The following CXCR2 variants were observed in gnomAD, a reference collection of about 807,000 sequenced individuals.
CXCR2 encodes the protein C-X-C chemokine receptor type 2.
Under a neutral mutation model 3.7 loss-of-function variants are expected in CXCR2, and 2 were observed. The observed-to-expected ratio is 0.55, with a 90% CI of 0.22 to 1.72. CXCR2 has a LOEUF of 1.72. Among genes scored for constraint, CXCR2 ranks in the 40% most tolerant of loss-of-function variants. The pLI, the probability that CXCR2 is intolerant of heterozygous loss-of-function variation, is 0.19. For synonymous variants in CXCR2, 203 were observed against 193.3 expected (o/e 1.05, Z -0.41); for missense variants, 351 against 450.1 (o/e 0.78, Z 1.99).
chr2:218,134,200 G>T (rs1690723646), intron 2 of CXCR2, among the ~76,000 whole-genome samples: 1 of 152,178 alleles, frequency 6.6e-6, no homozygotes, highest in Non-Finnish European at 1.5e-5. Context: ...TTTTCTGAGG[G>T]TATAGCCCAT....
intron 2 of CXCR2, 87 bp from the exon 3 acceptor site, chr2:218,134,690 C>T (rs1690735941): frequency 1.6e-6 from 2 of 1,271,886 alleles, no homozygotes; most frequent in Non-Finnish European, 2.2e-6. Context: ...CTCAAGCCAA[C>T]ACAAAGAATC....
rs1298692527 is a variant in CXCR2, at chr2:218,129,311, T to G, written c.-77-3T>G. On this transcript the variant is annotated splice_polypyrimidine_tract_variant and splice_region_variant and intron_variant, in intron 1 of 2. Coordinates refer to ENST00000318507, the MANE Select transcript of CXCR2 (RefSeq NM_001557.4). Reference sequence around the variant, plus strand: ...TGTTCTCACCACCACCTCCCTTTCATAGGTCACAGCTGCTCTTCTGGAGGT... The same window carrying G: ...TGTTCTCACCACCACCTCCCTTTCAGAGGTCACAGCTGCTCTTCTGGAGGT... 2 of 152,410 alleles carry G rather than the reference T, an allele frequency of 1.3e-5. No individual in the cohort carries two copies. Among genetic ancestry groups the G allele is most frequent in the Non-Finnish European group, 2.9e-5 (2 of 68,084 alleles). 9.4% of individuals were successfully genotyped at this position (152,410 alleles called of 1,614,324 possible).
In CXCR2 at chr2:218,135,761, G is replaced by T. The variant is rs1690781803; in HGVS notation, c.960G>T (p.Lys320Asn). The T allele has an allele frequency of 6.2e-7, 1 of 1,613,912 alleles. No homozygotes were observed. Among genetic ancestry groups the T allele is most frequent in the African/African-American group, 1.3e-5 (1 of 74,866 alleles). ...TCATCTACGCCTTCATTGGCCAGAA[G>T]TTTCGCCATGGACTCCTCAAGATTC... ...NPLIYAFIGQ[K>N]FRHGLLKILA... The change falls in exon 3 of 3, where the codon AAG (lysine) becomes AAT (asparagine). Residue 320 changes from lysine (K) to asparagine (N), a missense_variant. Transcript: ENST00000318507. The surrounding 1 kb of genome is among the most constrained non-coding windows in gnomAD (Gnocchi z 4.0).
chr2:218,130,149 G>T (rs1005196408), intron 2 of CXCR2, among the ~76,000 whole-genome samples: 2 of 152,160 alleles, frequency 1.3e-5, no homozygotes, highest in Admixed American at 1.3e-4. Flanking sequence ...TGCTGGGCAC[G>T]GTGGCTTACA....
intron 2 of CXCR2, among the ~76,000 whole-genome samples, chr2:218,133,695 A>C (rs1690707874): frequency 6.6e-6 from 1 of 152,206 alleles, no homozygotes; most frequent in Admixed American, 6.5e-5. Flanking sequence ...CAGGAGCTAG[A>C]CTAAATCTGA....
Position 218,129,154 on chromosome 2 carries a change from A to T in CXCR2, c.-77-160A>T, listed in dbSNP as rs564704734. The T allele has an allele frequency of 3.3e-5, 5 of 152,430 alleles. No individual in the cohort carries two copies. The East Asian group carries it at 5.7e-4, about 17-fold the overall frequency. The allele number at this position is 152,430 out of a possible 1,614,324, so 9.4% of individuals were successfully genotyped here. A position where few individuals can be genotyped will look rare whatever the true frequency, so the allele number is the denominator to read the frequency against. ...TTCCCAATATAAACTCTACGAGTCT[A>T]TGAAATGACTATGCATCCGAGAGCT... is the stretch of plus-strand genomic sequence containing the variant. On this transcript the variant is annotated intron_variant, in intron 1 of 2. Coordinates refer to ENST00000318507, the MANE Select transcript of CXCR2 (RefSeq NM_001557.4).
intron 2 of CXCR2, among the ~76,000 whole-genome samples, chr2:218,132,581 G>C (rs1176165452): frequency 1.3e-5 from 2 of 152,232 alleles, no homozygotes; most frequent in African/African-American, 4.8e-5. Context: ...CTATATGGTA[G>C]AGTACTGCTC....
rs2230054 is a variant in CXCR2, at chr2:218,135,587, C to T, written c.786C>T (p.Leu262=). ...TTGCTGTCGTCCTCATCTTCCTGCT[C>T]TGCTGGCTGCCCTACAACCTGGTCC... is the stretch of plus-strand genomic sequence containing the variant. ...VIFAVVLIFL[L]CWLPYNLVLL... The change falls in exon 3 of 3, where the codon CTC becomes CTT. Residue 262 remains leucine, a synonymous_variant. Coordinates refer to ENST00000318507, the MANE Select transcript of CXCR2 (RefSeq NM_001557.4). This position sits in a 1 kb window ranked among gnomAD's most constrained non-coding sequence, Gnocchi z 4.0. The T allele has an allele frequency of 0.49, 789,014 of 1,613,788 alleles. 196,054 individuals are homozygous for T. Among genetic ancestry groups the T allele is most frequent in the African/African-American group, 0.67 (50,150 of 74,910 alleles).
intron 1 of CXCR2, among the ~76,000 whole-genome samples, chr2:218,126,561 T>C (rs1388877226): frequency 2.6e-5 from 4 of 152,254 alleles, no homozygotes; most frequent in Admixed American, 2.6e-4. Flanking sequence ...CTGCCCAGTA[T>C]GGTAGCCACT....
chr2:218,136,605 A>G lies in CXCR2; in HGVS notation c.*721A>G, dbSNP rs567561497. 6.0e-6 allele frequency: 1 copy of G among 167,190 alleles called. No homozygotes were observed. The highest frequency in any genetic ancestry group is 2.1e-4 in the South Asian group (1 of 4,830). 10.4% of individuals were successfully genotyped at this position (167,190 alleles called of 1,614,324 possible). On this transcript the variant is annotated 3_prime_UTR_variant, in exon 3 of 3. Coordinates refer to ENST00000318507, the MANE Select transcript of CXCR2 (RefSeq NM_001557.4). Reference sequence around the variant, plus strand: ...TAGGAATTGACCCACAAGAAATGAAAGCAGGGACTTGAACCCATATTTGTA... The same window carrying G: ...TAGGAATTGACCCACAAGAAATGAAGGCAGGGACTTGAACCCATATTTGTA...
At position 218,135,276 on chromosome 2, in the gene CXCR2, C is replaced by T. The variant is rs200940650; in HGVS notation, c.475C>T (p.Arg159Cys). 16 of 1,614,086 alleles carry T rather than the reference C, an allele frequency of 9.9e-6. No individual in the cohort carries two copies. The highest frequency in any genetic ancestry group is 2.7e-5 in the African/African-American group (2 of 74,926). ...VHATRTLTQK[R>C]YLVKFICLSI... ...TGCCACACGCACACTGACCCAGAAG[C>T]GCTACTTGGTCAAATTCATATGTCT... The change falls in exon 3 of 3, where the codon CGC becomes TGC. Residue 159 changes from arginine to cysteine, a missense_variant. Coordinates refer to ENST00000318507, the MANE Select transcript of CXCR2 (RefSeq NM_001557.4). The surrounding 1 kb of genome is among the most constrained non-coding windows in gnomAD (Gnocchi z 4.0).
At chr2:218,130,120 T>C (rs1002837652) in intron 2 of CXCR2, among the ~76,000 whole-genome samples, 2 of 152,178 alleles carry the variant, frequency 1.3e-5, no homozygotes, top group African/African-American at 4.8e-5. Context: ...GATTTAATGA[T>C]ATCTCAAGAA....
intron 2 of CXCR2, among the ~76,000 whole-genome samples, chr2:218,131,292 T>A (rs1690639764): frequency 6.6e-6 from 1 of 152,104 alleles, no homozygotes; most frequent in African/African-American, 2.4e-5. Flanking sequence ...CTCAGCAAAC[T>A]TGCTCTCAAC....
chr2:218,136,940 G>C lies in CXCR2; in HGVS notation c.*1056G>C, dbSNP rs1690823679. ...TGATTACCAGGGACTGAGGGGAGGG[G>C]AGCATGGGAAGTGACGGTTTAATGG... On this transcript the variant is annotated 3_prime_UTR_variant, in exon 3 of 3. Coordinates refer to ENST00000318507, the MANE Select transcript of CXCR2 (RefSeq NM_001557.4). The C allele has an allele frequency of 1.8e-5, 3 of 167,388 alleles. No individual in the cohort carries two copies. In the South Asian group the frequency reaches 6.2e-4, roughly 35 times the overall value. 10.4% of individuals were successfully genotyped at this position (167,388 alleles called of 1,614,324 possible).
Position 218,136,727 on chromosome 2 carries a change from A to G in CXCR2, c.*843A>G, listed in dbSNP as rs1161127525. Reference sequence around the variant, plus strand: ...AATGAATGGCTAAGCAAAATGTGATATGTACCTAACGAAGTATCCTTCAGC... The same window carrying G: ...AATGAATGGCTAAGCAAAATGTGATGTGTACCTAACGAAGTATCCTTCAGC... On this transcript the variant is annotated 3_prime_UTR_variant, in exon 3 of 3. Transcript: ENST00000318507. The G allele has an allele frequency of 1.2e-5, 2 of 167,116 alleles. No homozygotes were observed. Among genetic ancestry groups the G allele is most frequent in the East Asian group, 3.8e-4 (2 of 5,198 alleles). The allele number at this position is 167,116 out of a possible 1,614,324, so 10.4% of individuals were successfully genotyped here. A position where few individuals can be genotyped will look rare whatever the true frequency, so the allele number is the denominator to read the frequency against.
chr2:218,136,772 C>T lies in CXCR2; in HGVS notation c.*888C>T, dbSNP rs201754329. 8 of 167,156 alleles carry T rather than the reference C, an allele frequency of 4.8e-5. No homozygotes were observed. The East Asian group carries it at 7.7e-4, about 16-fold the overall frequency. 10.4% of individuals were successfully genotyped at this position (167,156 alleles called of 1,614,324 possible). ...TTCAGCCTGAAAGAGGAATGAAGTA[C>T]TCATACATGTTACAACACGGACGAA... On this transcript the variant is annotated 3_prime_UTR_variant, in exon 3 of 3. Coordinates refer to ENST00000318507, the MANE Select transcript of CXCR2 (RefSeq NM_001557.4).
chr2:218,130,424 GA>G (rs1364167161), intron 2 of CXCR2, among the ~76,000 whole-genome samples: 1 of 151,804 alleles, frequency 6.6e-6, no homozygotes, highest in African/African-American at 2.4e-5. Context: ...ATCAAAAAAA[GA>G]AAAAAAGAAA....
intron 1 of CXCR2, among the ~76,000 whole-genome samples, chr2:218,127,359 T>C (rs1484889085): frequency 6.6e-6 from 1 of 152,068 alleles, no homozygotes; most frequent in Non-Finnish European, 1.5e-5. Flanking sequence ...ACTCCTGGCC[T>C]CGAGTGATCC....
chr2:218,127,173 C>T (rs563151873), intron 1 of CXCR2, among the ~76,000 whole-genome samples: 2 of 152,332 alleles, frequency 1.3e-5, no homozygotes, highest in East Asian at 3.9e-4. Flanking sequence ...GTCGCCCAGG[C>T]TGGAATGCAA....
Sources: allele counts gnomAD v4.1 joint callset (sites outside exome capture counted in the v4.1 genomes callset), GRCh38; gene constraint gnomAD v4.1.1; non-coding constraint Gnocchi (gnomAD v3.1); transcripts MANE v1.5; gene names NCBI Gene and HGNC (gene_info 2026-07-23, HGNC 2026-07-21).